The following GAPVD1 variants were observed in gnomAD, a reference collection of about 807,000 sequenced individuals.
GAPVD1 encodes the protein GTPase-activating protein and VPS9 domain-containing protein 1.
A neutral mutation model predicts 155.5 loss-of-function variants in GAPVD1; 35 were observed. The observed-to-expected ratio is 0.23, with a 90% CI of 0.17 to 0.30. GAPVD1 has a LOEUF of 0.30. GAPVD1 is among the 10% of genes least tolerant of loss of function. The probability of loss-of-function intolerance (pLI) is 1.00; values close to 1 mark genes in which losing one functional copy is unlikely to be tolerated. For missense variants in GAPVD1, 1,429 were observed against 1,775.7 expected, an observed-to-expected ratio of 0.80 and a Z score of 3.51; for synonymous variants, 636 against 619.7, an observed-to-expected ratio of 1.03 and a Z score of -0.39.
At chr9:125,341,132 A>T in intron 17 of GAPVD1, 45 bp from the exon 18 acceptor site, 1 of 917,468 alleles carries the variant, frequency 1.1e-6, no homozygotes, top group South Asian at 1.3e-5. Flanking sequence ...TTAGTAATTT[A>T]TCCTGCTATC....
At position 125,282,636 on chromosome 9, in the gene GAPVD1, G is replaced by T. The variant is rs1156442784; in HGVS notation, c.-149-12822G>T. Among the ~76,000 whole-genome samples the T allele has an allele frequency of 3.8e-4, 58 of 152,110 alleles. 1 individual carries two copies. The highest frequency in any genetic ancestry group is 3.8e-3 in the Admixed American group (58 of 15,258). Reference sequence around the variant, plus strand: ...CATTGCCCCTAGGAAATGATAAAAAGTTACCCTACCTTTTAATTGATAAGA... The same window carrying T: ...CATTGCCCCTAGGAAATGATAAAAATTTACCCTACCTTTTAATTGATAAGA... On this transcript the variant is annotated intron_variant, in intron 2 of 27. Coordinates refer to ENST00000297933, the MANE Select transcript of GAPVD1 (RefSeq NM_001282680.3).
At position 125,296,358 on chromosome 9, in the gene GAPVD1, G is replaced by GTTTTTTTTTTTTTT. The variant is rs1554758517; in HGVS notation, c.-33+786_-33+799dup. 9.7e-4 allele frequency among the ~76,000 whole-genome samples: 118 copies of GTTTTTTTTTTTTTT among 121,702 alleles called. 2 individuals carry two copies. Among genetic ancestry groups the GTTTTTTTTTTTTTT allele is most frequent in the Middle Eastern group, 4.3e-3 (1 of 230 alleles). 79.8% of individuals were successfully genotyped at this position (121,702 alleles called of 152,430 possible). ...ACACCCGGCCACATATAGTTCTTAG[G>GTTTTTTTTTTTTTT]TTTTTTTTTTTTTTTGAGATGGAGT... On this transcript the variant is annotated intron_variant, in intron 3 of 27. Coordinates refer to ENST00000297933, the MANE Select transcript of GAPVD1 (RefSeq NM_001282680.3).
intron 17 of GAPVD1, among the ~76,000 whole-genome samples, chr9:125,337,998 C>G (rs1372989547): frequency 6.6e-6 from 1 of 152,196 alleles, no homozygotes; most frequent in Admixed American, 6.5e-5. Flanking sequence ...GCCTCAGCCT[C>G]CTGAGTAGGT....
At chr9:125,300,039 AT>A (rs1426706919) in intron 4 of GAPVD1, among the ~76,000 whole-genome samples, 1,616 of 15,148 alleles carry the variant, frequency 0.11, 673 homozygotes, top group Non-Finnish European at 0.12. Context: ...AAAAAAAAAA[AT>A]ATATATATAT....
chr9:125,283,070 T>TTATTTATG (rs1554753106), intron 2 of GAPVD1, among the ~76,000 whole-genome samples: 2 of 149,982 alleles, frequency 1.3e-5, no homozygotes, highest in African/African-American at 4.9e-5. Flanking sequence ...ATTTATTTAT[T>TTATTTATG]TATGTTTGAG....
chr9:125,328,655 C>T (rs1193945109), intron 12 of GAPVD1, among the ~76,000 whole-genome samples: 3 of 150,726 alleles, frequency 2.0e-5, no homozygotes, highest in Non-Finnish European at 4.4e-5. Context: ...CCACCTTTCC[C>T]GCCTTTCTAT....
rs755045749 is a variant in GAPVD1 at position 125,350,883 on chromosome 9, C to T, written c.3569+11C>T. 3 of 1,588,516 alleles carry T rather than the reference C, an allele frequency of 1.9e-6. No individual in the cohort carries two copies. The highest frequency in any genetic ancestry group is 1.8e-5 in the Admixed American group (1 of 55,436). On this transcript the variant is annotated intron_variant, in intron 23 of 27. Coordinates refer to ENST00000297933, the MANE Select transcript of GAPVD1 (RefSeq NM_001282680.3). ...TGCTGAGGACTACAGGTAATATACC[C>T]CACCTGTTCAGCTTTTAAACCTAGT...
At position 125,311,207 on chromosome 9, in the gene GAPVD1, C is replaced by A. The variant is rs116526677; in HGVS notation, c.1442-1245C>A. Among the ~76,000 whole-genome samples the A allele has an allele frequency of 9.6e-3, 1,456 of 152,236 alleles. 27 individuals are homozygous for A. Among genetic ancestry groups the A allele is most frequent in the African/African-American group, 0.033 (1,379 of 41,544 alleles). On this transcript the variant is annotated intron_variant, in intron 8 of 27. Coordinates refer to ENST00000297933, the MANE Select transcript of GAPVD1 (RefSeq NM_001282680.3). Reference sequence around the variant, plus strand: ...GGGAAAGAAACAAAAATAATTGAAGCCTTTATTAATTTATACTGTTTCCAA... The same window carrying A: ...GGGAAAGAAACAAAAATAATTGAAGACTTTATTAATTTATACTGTTTCCAA...
chr9:125,352,938 C>T (rs562415536), intron 23 of GAPVD1, among the ~76,000 whole-genome samples: 12 of 152,154 alleles, frequency 7.9e-5, no homozygotes, highest in Non-Finnish European at 1.0e-4. Context: ...GAAACTCTGT[C>T]TCTCCTAAAA....
At chr9:125,337,120 C>G (rs528952327) in intron 16 of GAPVD1, 25 bp downstream of exon 16, 1 of 1,598,612 alleles carries the variant, frequency 6.3e-7, no homozygotes, top group African/African-American at 1.3e-5. Flanking sequence ...TGAACTTTTT[C>G]ACTTATGTCA....
chr9:125,262,174 G>A (rs1833030684), intron 1 of GAPVD1, among the ~76,000 whole-genome samples: 1 of 152,158 alleles, frequency 6.6e-6, no homozygotes, highest in African/African-American at 2.4e-5. Context: ...GCGCGCAGGA[G>A]CCAGGGCGGC....
chr9:125,330,807 A>C (rs1001392279), intron 13 of GAPVD1, among the ~76,000 whole-genome samples: 1 of 152,216 alleles, frequency 6.6e-6, no homozygotes, highest in Middle Eastern at 3.2e-3. Flanking sequence ...AGTCCGTGTG[A>C]ATCATTGAAT....
chr9:125,293,874 A>AT (rs1564311771), intron 2 of GAPVD1, among the ~76,000 whole-genome samples: 1 of 15,122 alleles, frequency 6.6e-5, no homozygotes, highest in Admixed American at 9.1e-4. Flanking sequence ...ATATATATAT[A>AT]TATATATATA....
chr9:125,330,317 C>CTTTTTT, intron 13 of GAPVD1, 99 bp downstream of exon 13: 2 of 508,614 alleles, frequency 3.9e-6, no homozygotes, highest in Non-Finnish European at 6.3e-6. Context: ...GTCAAATACA[C>CTTTTTT]TTTTTTTTTT....
chr9:125,361,637 G>A (rs1405625417), intron 27 of GAPVD1, among the ~76,000 whole-genome samples: 1 of 152,054 alleles, frequency 6.6e-6, no homozygotes. Context: ...TCTTTAATAT[G>A]GAATTCCTTG....
At chr9:125,276,547 A>T (rs958254183) in intron 2 of GAPVD1, among the ~76,000 whole-genome samples, 36 of 152,050 alleles carry the variant, frequency 2.4e-4, no homozygotes, top group African/African-American at 8.7e-4. Context: ...AAATTAGCTG[A>T]GCGTGATGGT....
rs879540261 is a variant in GAPVD1, at chr9:125,361,523, T to TA, written c.4242+811dup. ...TGGGCAACAGAGTGAGACTCCATCT[T>TA]AAAAAAAAAAAAAGCAGTGCCTGAA... On this transcript the variant is annotated intron_variant, in intron 27 of 27. Transcript: ENST00000297933. Among the ~76,000 whole-genome samples the TA allele has an allele frequency of 1.2e-3, 173 of 142,540 alleles. 1 individual carries two copies. The highest frequency in any genetic ancestry group is 3.0e-3 in the African/African-American group (116 of 39,080). 93.5% of individuals were successfully genotyped at this position (142,540 alleles called of 152,430 possible). A position where few individuals can be genotyped will look rare whatever the true frequency, so the allele number is the denominator to read the frequency against.
chr9:125,272,622 A>G (rs973328374), intron 2 of GAPVD1, among the ~76,000 whole-genome samples: 2 of 152,178 alleles, frequency 1.3e-5, no homozygotes, highest in Non-Finnish European at 2.9e-5. Context: ...TATGAATTCC[A>G]TAATTCTATA....
intron 2 of GAPVD1, among the ~76,000 whole-genome samples, chr9:125,279,062 A>G (rs1007617894): frequency 5.3e-5 from 8 of 151,402 alleles, no homozygotes; most frequent in Non-Finnish European, 1.2e-4. Flanking sequence ...AAATACAGAA[A>G]TTAGCCAGGT....
Sources: gnomAD v4.1 joint callset for allele counts (sites outside exome capture counted in the v4.1 genomes callset) on GRCh38, gnomAD v4.1.1 for gene constraint, MANE v1.5 for transcripts, NCBI Gene and HGNC (gene_info 2026-07-23, HGNC 2026-07-21) for gene names.